Variants in PCDHA10 observed in about 807,000 individuals in gnomAD.
PCDHA10 encodes protocadherin alpha 10, also known as protocadherin alpha-10.
Under a neutral mutation model 61.2 loss-of-function variants are expected in PCDHA10, and 45 were observed. The ratio of observed to expected loss-of-function variants is 0.74; its 90% CI spans 0.58 to 0.94. PCDHA10 has a LOEUF of 0.94. Ranked by LOEUF, PCDHA10 falls within the 40% of genes least tolerant of loss-of-function variation. The pLI, the probability that PCDHA10 is intolerant of heterozygous loss-of-function variation, is 0.00. For missense variants in PCDHA10, 1,278 were observed against 1,236.2 expected, an observed-to-expected ratio of 1.03 and a Z score of -0.51; for synonymous variants, 602 against 548.8, an observed-to-expected ratio of 1.10 and a Z score of -1.35.
chr5:140,949,550 G>A (rs1195934854), intron 1 of PCDHA10, among the ~76,000 whole-genome samples: 11 of 151,608 alleles, frequency 7.3e-5, no homozygotes, highest in Admixed American at 7.2e-4. Flanking sequence ...TTTGTTGCTG[G>A]TCATACTTTT....
At chr5:140,928,504 A>G (rs1408229072) in intron 1 of PCDHA10, 1 of 1,614,092 alleles carries the variant, frequency 6.2e-7, no homozygotes, top group African/African-American at 1.3e-5. Flanking sequence ...CAGAAGTGCA[A>G]CAGTGACTAT....
Position 141,012,307 on chromosome 5 carries a change from T to G in PCDHA10, c.*2370T>G, listed in dbSNP as rs369179929. ...CATTTTGAATTGGTGCTATTGGTAT[T>G]TCCTCTGTTATTGCTAATAAATGAA... On this transcript the variant is annotated 3_prime_UTR_variant, in exon 4 of 4. Transcript: ENST00000307360. 1 of 153,794 alleles carries G rather than the reference T, an allele frequency of 6.5e-6. No homozygotes were observed. The highest frequency in any genetic ancestry group is 1.5e-5 in the Non-Finnish European group (1 of 68,040). 9.5% of individuals were successfully genotyped at this position (153,794 alleles called of 1,614,324 possible).
chr5:140,867,224 C>A (rs1432488021), intron 1 of PCDHA10: 7 of 152,034 alleles, frequency 4.6e-5, no homozygotes, highest in African/African-American at 1.4e-4. Flanking sequence ...TCCCCAATTC[C>A]CATAATAAGG....
chr5:141,011,501 A>G lies in PCDHA10; in HGVS notation c.*1564A>G, dbSNP rs548038544. ...ATATTTCCTTTTGTACACCTGTGAA[A>G]AAGTGGAGTAGTGTTTTTTTAACCA... On this transcript the variant is annotated 3_prime_UTR_variant, in exon 4 of 4. Coordinates refer to ENST00000307360, the MANE Select transcript of PCDHA10 (RefSeq NM_018901.4). 1.3e-5 allele frequency: 2 copies of G among 153,894 alleles called. No individual in the cohort carries two copies. Among genetic ancestry groups the G allele is most frequent in the African/African-American group, 4.8e-5 (2 of 41,578 alleles). 9.5% of individuals were successfully genotyped at this position (153,894 alleles called of 1,614,324 possible).
Position 141,010,126 on chromosome 5 carries a change from C to G in PCDHA10, c.*189C>G, listed in dbSNP as rs2098416139. ...TTTTGTCGTAAAAGCTTTACTAAGT[C>G]TGGTGTTAACTCTTTCTCTCCACTC... On this transcript the variant is annotated 3_prime_UTR_variant, in exon 4 of 4. Coordinates refer to ENST00000307360, the MANE Select transcript of PCDHA10 (RefSeq NM_018901.4). 1 of 1,602,246 alleles carries G rather than the reference C, an allele frequency of 6.2e-7. No homozygotes were observed. The highest frequency in any genetic ancestry group is 8.5e-7 in the Non-Finnish European group (1 of 1,173,654).
Position 140,978,839 on chromosome 5 carries a change from C to CT in PCDHA10, c.2389-104dup, listed in dbSNP as rs5871758. On this transcript the variant is annotated intron_variant, in intron 1 of 3. Transcript: ENST00000307360. ...TACACATGAAATGGCTCATTCAATA[C>CT]TTTTTTAGATGCCTGGAAATATTTA... 14,607 of 1,556,970 alleles carry CT rather than the reference C, an allele frequency of 9.4e-3. 629 individuals carry two copies. The African/African-American group carries it at 0.12, about 13-fold the overall frequency.
rs1472597239 is a variant in PCDHA10, at chr5:140,928,524, TG to T, written c.2389-50424del. 16 of 1,614,070 alleles carry T rather than the reference TG, an allele frequency of 9.9e-6. No individual in the cohort carries two copies. The African/African-American group carries it at 2.1e-4, about 22-fold the overall frequency. On this transcript the variant is annotated intron_variant, in intron 1 of 3. Transcript: ENST00000307360. Reference sequence around the variant, plus strand: ...GTGCAACAGTGACTATAAACTTGTTTGTGGTAGATAGGAATGACAATTATCC... The same window carrying T: ...GTGCAACAGTGACTATAAACTTGTTTTGGTAGATAGGAATGACAATTATCC...
intron 1 of PCDHA10, chr5:140,929,259 G>A (rs782558603): frequency 4.7e-5 from 76 of 1,612,754 alleles, no homozygotes; most frequent in Non-Finnish European, 6.2e-5. Context: ...GGGTAGGACT[G>A]AATTTGCCAA....
intron 1 of PCDHA10, among the ~76,000 whole-genome samples, chr5:140,906,707 CT>C (rs1554192656): frequency 6.6e-6 from 1 of 152,198 alleles, no homozygotes; most frequent in Non-Finnish European, 1.5e-5. Flanking sequence ...ATTTGTAGTC[CT>C]GCCTGGATTG....
chr5:140,902,419 T>C (rs2069442508), intron 1 of PCDHA10, among the ~76,000 whole-genome samples: 1 of 152,118 alleles, frequency 6.6e-6, no homozygotes, highest in Non-Finnish European at 1.5e-5. Flanking sequence ...ATAACAGTGG[T>C]GAAAGTGGGC....
chr5:140,966,691 G>A, intron 1 of PCDHA10: 3 of 1,349,440 alleles, frequency 2.2e-6, no homozygotes, highest in Non-Finnish European at 1.9e-6. Context: ...GCGGAGGCGG[G>A]GCCCGGGCGT....
Position 140,858,377 on chromosome 5 carries a change from T to C in PCDHA10, c.2329T>C (p.Cys777Arg). Reference sequence around the variant, plus strand: ...GGCCTTCAGCCCCAGCCTTCCACCATGCCCAATGGTAGATGTGGACGGGGA... The same window carrying C: ...GGCCTTCAGCCCCAGCCTTCCACCACGCCCAATGGTAGATGTGGACGGGGA... ...LMAFSPSLPPCPMVDVDGEDQ... is the reference protein window; with the variant it reads ...LMAFSPSLPPRPMVDVDGEDQ... Residue 777 changes from cysteine (C) to arginine (R), a missense_variant, in exon 1 of 4, where the codon TGC (cysteine) becomes CGC (arginine). Cys to Arg is a radical substitution (Grantham distance 180). Coordinates refer to ENST00000307360, the MANE Select transcript of PCDHA10 (RefSeq NM_018901.4). 3 of 1,587,044 alleles carry C rather than the reference T, an allele frequency of 1.9e-6. No individual in the cohort carries two copies. The highest frequency in any genetic ancestry group is 2.6e-6 in the Non-Finnish European group (3 of 1,160,576).
intron 1 of PCDHA10, among the ~76,000 whole-genome samples, chr5:140,896,747 G>C (rs1162214018): frequency 1.3e-5 from 2 of 152,070 alleles, no homozygotes; most frequent in Admixed American, 1.3e-4. Context: ...ATAGATTCTG[G>C]ATATTAGACC....
intron 1 of PCDHA10, chr5:140,926,589 G>A: frequency 3.4e-6 from 1 of 292,780 alleles, no homozygotes; most frequent in Non-Finnish European, 6.2e-6. Context: ...TCTCGCGCCC[G>A]GGCGGGCGGC....
At chr5:140,926,906 G>T in intron 1 of PCDHA10, 1 of 1,559,584 alleles carries the variant, frequency 6.4e-7, no homozygotes, top group Non-Finnish European at 8.7e-7. Context: ...GTGGGCTGTG[G>T]GGTGGCAGTT....
rs35695909 is a variant in PCDHA10, at chr5:140,914,944, C to CTT, written c.2388+56525_2388+56526dup. Among the ~76,000 whole-genome samples the CTT allele has an allele frequency of 2.2e-4, 28 of 128,250 alleles. 1 individual carries two copies. Among genetic ancestry groups the CTT allele is most frequent in the African/African-American group, 3.1e-4 (11 of 35,118 alleles). 84.1% of individuals were successfully genotyped at this position (128,250 alleles called of 152,430 possible). Reference sequence around the variant, plus strand: ...ATTGTACTATGTTGTGAAAAGTTGTCTTTTTTTTTTTTTTTTTTCTGAGTC... The same window carrying CTT: ...ATTGTACTATGTTGTGAAAAGTTGTCTTTTTTTTTTTTTTTTTTTTCTGAGTC... On this transcript the variant is annotated intron_variant, in intron 1 of 3. Transcript: ENST00000307360.
chr5:140,906,243 A>T (rs2072484346), intron 1 of PCDHA10, among the ~76,000 whole-genome samples: 1 of 152,190 alleles, frequency 6.6e-6, no homozygotes, highest in South Asian at 2.1e-4. Flanking sequence ...GTCAACTTGA[A>T]CCCATACACA....
At chr5:140,878,063 T>A (rs2057461897) in intron 1 of PCDHA10, 1 of 402,806 alleles carries the variant, frequency 2.5e-6, no homozygotes, top group Non-Finnish European at 4.1e-6. Context: ...CACTTAATAT[T>A]TTTCTTTTTC....
chr5:140,917,249 G>A (rs1439724525), intron 1 of PCDHA10, among the ~76,000 whole-genome samples: 1 of 149,466 alleles, frequency 6.7e-6, no homozygotes, highest in African/African-American at 2.5e-5. Flanking sequence ...TACTACGATT[G>A]CTCACCTGAT....
Sources: allele counts gnomAD v4.1 joint callset (sites outside exome capture counted in the v4.1 genomes callset), GRCh38; gene constraint gnomAD v4.1.1; transcripts MANE v1.5; gene names NCBI Gene and HGNC (gene_info 2026-07-23, HGNC 2026-07-21).